The following C2CD5 variants were observed in gnomAD, a reference collection of about 807,000 sequenced individuals.
C2CD5 encodes the protein C2 calcium dependent domain containing 5, also known as C2 domain-containing protein 5.
In C2CD5, 109 loss-of-function variants were observed where a neutral mutation model predicts 130.3. That is an observed-to-expected ratio of 0.84 (90% CI 0.72 to 0.98). C2CD5 has a LOEUF of 0.98. Ranked by LOEUF, C2CD5 falls within the 50% of genes least tolerant of loss-of-function variation. The pLI is 0.00. For missense variants in C2CD5, 996 were observed against 1,261.8 expected, an observed-to-expected ratio of 0.79 and a Z score of 3.19; for synonymous variants, 454 against 429.2, an observed-to-expected ratio of 1.06 and a Z score of -0.71.
At chr12:22,484,504 A>G in intron 13 of C2CD5, 193 bp downstream of exon 13, 2 of 408,160 alleles carry the variant, frequency 4.9e-6, no homozygotes, top group Middle Eastern at 6.3e-4. Flanking sequence ...CTGCTTTTGT[A>G]CACAAACTTA....
rs12302229 is a variant in C2CD5, at chr12:22,471,273, T to C, written c.2358+126A>G. On this transcript the variant is annotated intron_variant, in intron 20 of 26. Transcript: ENST00000446597. ...ACATGGCCTAATGCATACTAACATA[T>C]ATTTTTTAATATTGTGAGGTAAACT... is the stretch of plus-strand genomic sequence containing the variant. The C allele has an allele frequency of 0.013, 8,004 of 623,472 alleles. 510 individuals carry two copies. The African/African-American group carries it at 0.13, about 10-fold the overall frequency. 38.6% of individuals were successfully genotyped at this position (623,472 alleles called of 1,614,324 possible). A position where few individuals can be genotyped will look rare whatever the true frequency, so the allele number is the denominator to read the frequency against.
Position 22,471,994 on chromosome 12 carries a change from A to T in C2CD5, c.2241T>A (p.Phe747Leu). 6.2e-7 allele frequency: 1 copy of T among 1,607,466 alleles called. No individual in the cohort carries two copies. ...NLTNQALNKNFNDLCENLLKS... is the reference protein window; with the variant it reads ...NLTNQALNKNLNDLCENLLKS... Reference sequence around the variant, plus strand: ...TGAGCAAATTTTCACAGAGATCATTAAAGTTCTTATTGAGAGCTTGATTAG... The same window carrying T: ...TGAGCAAATTTTCACAGAGATCATTTAAGTTCTTATTGAGAGCTTGATTAG... Residue 747 changes from phenylalanine to leucine, a missense_variant, in exon 19 of 27, where the codon TTT becomes TTA. Phe to Leu is a conservative substitution (Grantham distance 22, BLOSUM62 0). Around this residue, in one of 9 missense-constraint regions of C2CD5, gnomAD observed 590 missense variants for 631.4 expected, o/e 0.93. Coordinates refer to ENST00000446597, the MANE Select transcript of C2CD5 (RefSeq NM_001286176.2).
chr12:22,543,783 G>C (rs966190343), intron 2 of C2CD5, among the ~76,000 whole-genome samples: 2 of 152,134 alleles, frequency 1.3e-5, no homozygotes, highest in African/African-American at 2.4e-5. Flanking sequence ...CTGAGTGGCA[G>C]GTGGCCTGTT....
At chr12:22,525,534 T>C (rs1950644415) in intron 5 of C2CD5, 76 bp downstream of exon 5, 1 of 803,942 alleles carries the variant, frequency 1.2e-6, no homozygotes, top group South Asian at 1.4e-5. Flanking sequence ...CTACTTGCCT[T>C]CTGAAATGTT....
intron 22 of C2CD5, among the ~76,000 whole-genome samples, chr12:22,466,869 CTGA>C (rs113793573): frequency 4.6e-5 from 7 of 152,256 alleles, no homozygotes; most frequent in African/African-American, 1.4e-4. Context: ...ATGTGATGGT[CTGA>C]TGATGATGAT....
At chr12:22,470,727 ATAAGTAATT>A (rs1238204512) in intron 21 of C2CD5, 88 bp downstream of exon 21, 2 of 711,306 alleles carry the variant, frequency 2.8e-6, no homozygotes, top group East Asian at 5.2e-5. Context: ...TCTTCAAGAA[ATAAGTAATT>A]TATTGAATCC....
intron 12 of C2CD5, among the ~76,000 whole-genome samples, chr12:22,485,574 T>C (rs1195006589): frequency 6.6e-6 from 1 of 152,044 alleles, no homozygotes; most frequent in African/African-American, 2.4e-5. Context: ...TACTCTAAGA[T>C]TTCTAATTTC....
Position 22,471,442 on chromosome 12 carries a change from T to G in C2CD5, c.2315A>C (p.His772Pro). The G allele has an allele frequency of 2.5e-6, 4 of 1,600,670 alleles. No individual in the cohort carries two copies. Among genetic ancestry groups the G allele is most frequent in the Non-Finnish European group, 2.6e-6 (3 of 1,168,738 alleles). Residue 772 changes from histidine (H) to proline (P), a missense_variant, in exon 20 of 27, where the codon CAT becomes CCT. His to Pro is a moderately conservative substitution (Grantham distance 77). Transcript: ENST00000446597. ...AGGCAGAGATACTGTAAAATTTACA[T>G]GGCAAAGGCAGCAGGGGATCATAGA... is the stretch of plus-strand genomic sequence containing the variant. The part of the protein sequence containing the change: ...LRSMIPCCLC[H>P]VNFTVSLPED...
rs1300655530 is a variant in C2CD5, at chr12:22,544,079, C to G, written c.72G>C (p.Leu24=). 6.2e-7 allele frequency: 1 copy of G among 1,613,520 alleles called. No individual in the cohort carries two copies. Among genetic ancestry groups the G allele is most frequent in the South Asian group, 1.1e-5 (1 of 91,032 alleles). The change falls in exon 2 of 27, where the codon CTG becomes CTC. Residue 24 remains leucine, a synonymous_variant. Coordinates refer to ENST00000446597, the MANE Select transcript of C2CD5 (RefSeq NM_001286176.2). ...CACCAACCTCCACGAAGGCATCAGTCAGGTCACTAGCACGGTCCATCACTG... is the reference window on the plus strand; with the variant it reads ...CACCAACCTCCACGAAGGCATCAGTGAGGTCACTAGCACGGTCCATCACTG... The part of the protein sequence containing the change: ...HLPVMDRASD[L]TDAFVEVKFG...
At chr12:22,519,442 A>G (rs1258403629) in intron 7 of C2CD5, among the ~76,000 whole-genome samples, 1 of 152,114 alleles carries the variant, frequency 6.6e-6, no homozygotes, top group African/African-American at 2.4e-5. Context: ...GTATCCGATT[A>G]ATAAATTAAT....
intron 2 of C2CD5, among the ~76,000 whole-genome samples, chr12:22,541,856 T>A (rs1952419266): frequency 1.3e-5 from 2 of 152,168 alleles, no homozygotes; most frequent in Admixed American, 1.3e-4. Flanking sequence ...TAAGCTGAAT[T>A]AAGAGAAGGA....
intron 7 of C2CD5, among the ~76,000 whole-genome samples, chr12:22,522,410 T>C (rs953522062): frequency 1.3e-5 from 2 of 152,196 alleles, no homozygotes; most frequent in South Asian, 4.1e-4. Flanking sequence ...CACCATCATG[T>C]TGAAAATCTC....
intron 15 of C2CD5, among the ~76,000 whole-genome samples, chr12:22,477,531 C>CT (rs2136243388): frequency 6.6e-6 from 1 of 151,996 alleles, no homozygotes; most frequent in East Asian, 1.9e-4. Context: ...TTTAATTATA[C>CT]TTTAAGTTTT....
At chr12:22,498,827 T>C (rs1947374926) in intron 10 of C2CD5, among the ~76,000 whole-genome samples, 1 of 152,206 alleles carries the variant, frequency 6.6e-6, no homozygotes, top group Non-Finnish European at 1.5e-5. Flanking sequence ...CTCACAAATT[T>C]TGTCTACGTC....
At chr12:22,469,879 T>C (rs1318644608) in intron 21 of C2CD5, 84 bp from the exon 22 acceptor site, 11 of 735,216 alleles carry the variant, frequency 1.5e-5, no homozygotes, top group Non-Finnish European at 2.1e-5. Flanking sequence ...AACATACATA[T>C]ACATATTCTC....
At position 22,458,587 on chromosome 12, in the gene C2CD5, T is replaced by C; in HGVS notation, c.2585-2A>G. 2 of 1,251,592 alleles carry C rather than the reference T, an allele frequency of 1.6e-6. No homozygotes were observed. The highest frequency in any genetic ancestry group is 3.9e-5 in the Admixed American group (1 of 25,710). The allele number at this position is 1,251,592 out of a possible 1,614,324, so 77.5% of individuals were successfully genotyped here. On this transcript the variant is annotated splice_acceptor_variant, in intron 23 of 26. Transcript: ENST00000446597. LOFTEE classifies it high-confidence loss of function. Reference sequence around the variant, plus strand: ...AGGAACTGTAATCAACTGACGTTGCTGAAAACACAGACAGAAAACAAAAGA... The same window carrying C: ...AGGAACTGTAATCAACTGACGTTGCCGAAAACACAGACAGAAAACAAAAGA...
chr12:22,456,935 A>AT (rs778451222), intron 25 of C2CD5, 36 bp downstream of exon 25: 13 of 1,384,842 alleles, frequency 9.4e-6, no homozygotes, highest in Middle Eastern at 2.3e-4. Flanking sequence ...TTCAGAGAAA[A>AT]TTTTTTAAAA....
chr12:22,522,402 C>T (rs990186992), intron 7 of C2CD5, among the ~76,000 whole-genome samples: 4 of 152,198 alleles, frequency 2.6e-5, no homozygotes, highest in African/African-American at 9.7e-5. Context: ...GTCATGACCA[C>T]CATCATGTTG....
At chr12:22,480,711 C>T (rs535315628) in intron 14 of C2CD5, among the ~76,000 whole-genome samples, 124 of 152,264 alleles carry the variant, frequency 8.1e-4, no homozygotes, top group South Asian at 2.7e-3. Context: ...ACAAATTATA[C>T]ATTTATGTAA....
Sources: gnomAD v4.1 joint callset for allele counts (sites outside exome capture counted in the v4.1 genomes callset) on GRCh38, gnomAD v4.1.1 for gene constraint, gnomAD v4.1.1 regional missense constraint, MANE v1.5 for transcripts, NCBI Gene and HGNC (gene_info 2026-07-23, HGNC 2026-07-21) for gene names.